The following ELP4 variants were observed in gnomAD, a reference collection of about 807,000 sequenced individuals.
The protein encoded by ELP4 is elongator acetyltransferase complex subunit 4, also known as elongator complex protein 4.
A neutral mutation model predicts 48.9 loss-of-function variants in ELP4; 51 were observed. That is an observed-to-expected ratio of 1.04 (90% CI 0.83 to 1.32). ELP4 has a LOEUF of 1.32. Ranked by LOEUF, ELP4 falls within the 40% of genes most tolerant of loss-of-function variation. The pLI is 0.00. For missense variants in ELP4, 519 were observed against 514.6 expected (o/e 1.01, Z -0.08); for synonymous variants, 210 against 189.2 (o/e 1.11, Z -0.90).
chr11:31,722,446 T>C (rs980622723), intron 9 of ELP4, among the ~76,000 whole-genome samples: 1 of 152,180 alleles, frequency 6.6e-6, no homozygotes, highest in African/African-American at 2.4e-5. Flanking sequence ...TATATTCAGA[T>C]AGTTTAATAA....
chr11:31,601,468 T>G (rs150583961), intron 4 of ELP4, among the ~76,000 whole-genome samples: 4 of 152,256 alleles, frequency 2.6e-5, no homozygotes, highest in Admixed American at 6.5e-5. Context: ...GCTTCCAATT[T>G]TATTTTTACA....
At chr11:31,747,006 A>T (rs528172784) in intron 9 of ELP4, among the ~76,000 whole-genome samples, 110 of 151,928 alleles carry the variant, frequency 7.2e-4, no homozygotes, top group Non-Finnish European at 1.2e-3. Flanking sequence ...TTAAATATAT[A>T]TGCTATTCAT....
At chr11:31,569,414 C>G (rs888337313) in intron 3 of ELP4, among the ~76,000 whole-genome samples, 1 of 152,256 alleles carries the variant, frequency 6.6e-6, no homozygotes, top group East Asian at 1.9e-4. Flanking sequence ...AACAACCCCA[C>G]TGAAAAGAGA....
chr11:31,623,945 C>T (rs1944683828), intron 5 of ELP4, among the ~76,000 whole-genome samples: 1 of 151,692 alleles, frequency 6.6e-6, no homozygotes, highest in Non-Finnish European at 1.5e-5. Context: ...AGATGGCCAA[C>T]ACATATATGA....
At chr11:31,766,308 C>T (rs1948039290) in intron 9 of ELP4, among the ~76,000 whole-genome samples, 1 of 151,908 alleles carries the variant, frequency 6.6e-6, no homozygotes, top group African/African-American at 2.4e-5. Flanking sequence ...TAACTAAAAC[C>T]GGTCCTTATT....
rs190308209 is a variant in ELP4, at chr11:31,717,596, A to C, written c.1144-65797A>C. The stretch of plus-strand genomic sequence containing the variant: ...CAGTAAAACCTCATCTCTACTAAAA[A>C]TACAAAAATTAGCTGGGTGTGGTGG... On this transcript the variant is annotated intron_variant, in intron 9 of 9. Transcript: ENST00000640961. Among the ~76,000 whole-genome samples, 585 of 152,132 alleles carry C rather than the reference A, an allele frequency of 3.8e-3. 1 individual carries two copies. The highest frequency in any genetic ancestry group is 5.7e-3 in the Admixed American group (87 of 15,268).
intron 9 of ELP4, among the ~76,000 whole-genome samples, chr11:31,775,573 G>A (rs1293552999): frequency 2.0e-5 from 3 of 152,106 alleles, no homozygotes; most frequent in African/African-American, 4.8e-5. Flanking sequence ...GGTAACTGAC[G>A]CCTGTAATCT....
intron 2 of ELP4, among the ~76,000 whole-genome samples, chr11:31,522,632 A>G (rs1956234000): frequency 6.6e-6 from 1 of 152,182 alleles, no homozygotes; most frequent in Non-Finnish European, 1.5e-5. Context: ...TTGCACACAT[A>G]TGTAAATATT....
chr11:31,713,446 A>G (rs9300008), intron 9 of ELP4, among the ~76,000 whole-genome samples: 10,222 of 152,216 alleles, frequency 0.067, 899 homozygotes, highest in African/African-American at 0.2. Context: ...TTCAAAGTAT[A>G]ATGATTATAC....
At chr11:31,702,675 T>C (rs962191405) in intron 9 of ELP4, among the ~76,000 whole-genome samples, 13 of 152,290 alleles carry the variant, frequency 8.5e-5, no homozygotes, top group Admixed American at 2.0e-4. Flanking sequence ...CCTTAACATA[T>C]ACTATTATTC....
In ELP4 at chr11:31,627,155, C is replaced by G; in HGVS notation, c.699C>G (p.Asn233Lys). Residue 233 changes from asparagine (N) to lysine (K), a missense_variant, in exon 6 of 10, where the codon AAC (asparagine) becomes AAG (lysine). Coordinates refer to ENST00000640961, the MANE Select transcript of ELP4 (RefSeq NM_019040.5). ...GYTKLLQFIQ[N>K]IIYEEGFDGS... The stretch of plus-strand genomic sequence containing the variant: ...CAAAGCTGCTTCAGTTTATCCAGAA[C>G]ATCATTTATGAGGAAGGATTTGATG... The G allele has an allele frequency of 6.3e-7, 1 of 1,597,342 alleles. No homozygotes were observed. Among genetic ancestry groups the G allele is most frequent in the Non-Finnish European group, 8.5e-7 (1 of 1,171,830 alleles).
chr11:31,524,406 G>T (rs1284993892), intron 2 of ELP4, among the ~76,000 whole-genome samples: 1 of 152,220 alleles, frequency 6.6e-6, no homozygotes, highest in Non-Finnish European at 1.5e-5. Context: ...CATCTCACAA[G>T]ATGGTGTCTT....
chr11:31,650,419 A>C (rs544612129), intron 9 of ELP4, 198 bp downstream of exon 9: 57 of 393,180 alleles, frequency 1.4e-4, no homozygotes, highest in Admixed American at 3.5e-4. Flanking sequence ...CAATATATCA[A>C]GTATGGCAAA....
At chr11:31,693,157 TTTATTA>T (rs377241285) in intron 9 of ELP4, among the ~76,000 whole-genome samples, 1 of 151,688 alleles carries the variant, frequency 6.6e-6, no homozygotes, top group Non-Finnish European at 1.5e-5. Flanking sequence ...AACTCGTTTT[TTTATTA>T]TTATTATTAT....
intron 5 of ELP4, among the ~76,000 whole-genome samples, chr11:31,606,653 A>AT (rs1307240069): frequency 6.6e-6 from 1 of 152,178 alleles, no homozygotes; most frequent in Non-Finnish European, 1.5e-5. Context: ...TTGTTTGGAT[A>AT]TTTCACTATT....
chr11:31,535,742 C>T (rs1956489872), intron 2 of ELP4, among the ~76,000 whole-genome samples: 1 of 152,224 alleles, frequency 6.6e-6, no homozygotes, highest in African/African-American at 2.4e-5. Flanking sequence ...TAAAGTGTTT[C>T]CTGGTGCTCA....
Position 31,789,697 on chromosome 11 carries a change from A to G in ELP4, c.*6173A>G, listed in dbSNP as rs1321864138. 7.1e-6 allele frequency: 5 copies of G among 703,028 alleles called. No homozygotes were observed. Among genetic ancestry groups the G allele is most frequent in the Non-Finnish European group, 1.0e-5 (4 of 385,016 alleles). The allele number at this position is 703,028 out of a possible 1,614,324, so 43.5% of individuals were successfully genotyped here. ...TACAAATAATACACCAAAATGAATA[A>G]AAGTTTGGATACCAAAATGAAGATT... On this transcript the variant is annotated 3_prime_UTR_variant, in exon 10 of 10. Transcript: ENST00000640961.
At chr11:31,513,906 A>AT (rs1380973229) in intron 1 of ELP4, among the ~76,000 whole-genome samples, 1 of 152,172 alleles carries the variant, frequency 6.6e-6, no homozygotes, top group Non-Finnish European at 1.5e-5. Flanking sequence ...AAAAATGCCT[A>AT]TTTTTAAAAT....
At position 31,694,122 on chromosome 11, in the gene ELP4, C is replaced by G. The variant is rs563732803; in HGVS notation, c.1143+43901C>G. 2.2e-4 allele frequency among the ~76,000 whole-genome samples: 33 copies of G among 152,266 alleles called. No individual in the cohort carries two copies. The East Asian group carries it at 2.5e-3, about 12-fold the overall frequency. On this transcript the variant is annotated intron_variant, in intron 9 of 9. Transcript: ENST00000640961. ...TCCCATTCTGTAGGTTGCCTGTTCA[C>G]TCTGATGGTAGTTTCTTTTGCTGTG...
Sources: allele counts gnomAD v4.1 joint callset (sites outside exome capture counted in the v4.1 genomes callset), GRCh38; gene constraint gnomAD v4.1.1; transcripts MANE v1.5; gene names NCBI Gene and HGNC (gene_info 2026-07-23, HGNC 2026-07-21).